PTPRG: variants seen among roughly 807,000 people sequenced by gnomAD.
PTPRG encodes receptor-type tyrosine-protein phosphatase gamma.
Under a neutral mutation model 165.3 loss-of-function variants are expected in PTPRG, and 102 were observed. The ratio of observed to expected loss-of-function variants is 0.62; its 90% confidence interval spans 0.53 to 0.73. The LOEUF (loss-of-function observed/expected upper bound fraction) is 0.73, where lower values mean the gene tolerates loss of function less well. PTPRG is among the 30% of genes least tolerant of loss of function. The probability of loss-of-function intolerance (pLI) is 0.00; values close to 1 mark genes in which losing one functional copy is unlikely to be tolerated. For synonymous variants in PTPRG, 675 were observed against 669.5 expected (o/e 1.01, Z -0.13); for missense variants, 1,866 against 1,861.4 (o/e 1.00, Z -0.05).
At chr3:62,089,595 A>G (rs1480741414) in intron 5 of PTPRG, among the ~76,000 whole-genome samples, 3 of 152,290 alleles carry the variant, frequency 2.0e-5, no homozygotes, top group East Asian at 1.9e-4. Flanking sequence ...TCTCTTTATT[A>G]TGATTGTACA....
intron 4 of PTPRG, among the ~76,000 whole-genome samples, chr3:62,034,273 A>T (rs1481898754): frequency 6.6e-6 from 1 of 152,226 alleles, no homozygotes; most frequent in African/African-American, 2.4e-5. Flanking sequence ...GGAAAAAGCA[A>T]ACCCTAGCAG....
At chr3:61,638,178 T>G (rs892040929) in intron 1 of PTPRG, among the ~76,000 whole-genome samples, 1 of 152,234 alleles carries the variant, frequency 6.6e-6, no homozygotes, top group African/African-American at 2.4e-5. Flanking sequence ...GGCTTCTTGC[T>G]AATTCTCTTC....
At chr3:62,263,066 C>T (rs1295718294) in intron 17 of PTPRG, 172 bp downstream of exon 17, 2 of 549,316 alleles carry the variant, frequency 3.6e-6, no homozygotes, top group Non-Finnish European at 6.4e-6. Flanking sequence ...ATTTTCTTCC[C>T]CCTTAGCCTT....
intron 6 of PTPRG, among the ~76,000 whole-genome samples, chr3:62,156,509 C>A (rs1704542540): frequency 6.6e-6 from 1 of 152,204 alleles, no homozygotes; most frequent in Non-Finnish European, 1.5e-5. Flanking sequence ...GGTTGGGCTT[C>A]ACTTCGATTT....
intron 1 of PTPRG, among the ~76,000 whole-genome samples, chr3:61,635,691 C>T (rs906669325): frequency 1.3e-5 from 2 of 152,050 alleles, no homozygotes; most frequent in African/African-American, 4.8e-5. Flanking sequence ...TTTTACAAAA[C>T]AGAAAGCTTG....
intron 8 of PTPRG, among the ~76,000 whole-genome samples, chr3:62,176,100 A>G (rs1705413016): frequency 6.6e-6 from 1 of 152,200 alleles, no homozygotes; most frequent in Non-Finnish European, 1.5e-5. Context: ...TATGTGGCGA[A>G]TGCTTGCAGA....
chr3:61,932,554 A>G lies in PTPRG; in HGVS notation c.191-57071A>G, dbSNP rs995364963. On this transcript the variant is annotated intron_variant, in intron 2 of 29. Coordinates refer to ENST00000474889, the MANE Select transcript of PTPRG (RefSeq NM_002841.4). ...CACTTGCTGAGTTCTTACTGTGTGC[A>G]AGGCGCTGTTTTCATGCTTTCATTT... Among the ~76,000 whole-genome samples the G allele has an allele frequency of 3.9e-5, 6 of 152,320 alleles. No homozygotes were observed. In the South Asian group the frequency reaches 1.2e-3, roughly 32 times the overall value.
At chr3:62,134,549 A>G (rs1703635697) in intron 6 of PTPRG, among the ~76,000 whole-genome samples, 1 of 152,118 alleles carries the variant, frequency 6.6e-6, no homozygotes, top group African/African-American at 2.4e-5. Flanking sequence ...CTCAGCTCTT[A>G]TCTTGCCTCC....
chr3:61,829,021 T>C (rs1171382616), intron 2 of PTPRG, among the ~76,000 whole-genome samples: 1 of 152,188 alleles, frequency 6.6e-6, no homozygotes, highest in African/African-American at 2.4e-5. Context: ...TATATAGATA[T>C]ATATCCTTAG....
chr3:62,036,067 C>T (rs1401123284), intron 4 of PTPRG, among the ~76,000 whole-genome samples: 1 of 150,970 alleles, frequency 6.6e-6, no homozygotes, highest in African/African-American at 2.4e-5. Flanking sequence ...AAAAATCCTG[C>T]CACTGTGGAG....
At chr3:61,870,476 C>CTT (rs869118813) in intron 2 of PTPRG, among the ~76,000 whole-genome samples, 220 of 17,960 alleles carry the variant, frequency 0.012, 22 homozygotes, top group Non-Finnish European at 0.014. Context: ...CCACACCTAG[C>CTT]TTTTTTTTTT....
intron 1 of PTPRG, among the ~76,000 whole-genome samples, chr3:61,722,729 T>C (rs1041312571): frequency 8.5e-5 from 13 of 152,236 alleles, no homozygotes; most frequent in African/African-American, 3.1e-4. Flanking sequence ...CGGTGAATTT[T>C]ATGTTATGTC....
intron 2 of PTPRG, among the ~76,000 whole-genome samples, chr3:61,871,766 A>G (rs1233452028): frequency 1.3e-5 from 2 of 152,178 alleles, no homozygotes; most frequent in Non-Finnish European, 2.9e-5. Flanking sequence ...GGACCTGGAA[A>G]TCACAAGGCC....
chr3:62,188,309 A>C (rs190291586), intron 8 of PTPRG, among the ~76,000 whole-genome samples: 1 of 152,286 alleles, frequency 6.6e-6, no homozygotes, highest in Non-Finnish European at 1.5e-5. Context: ...CAGGAGGTTG[A>C]AGCTGCAGTG....
At position 62,144,002 on chromosome 3, in the gene PTPRG, CTA is replaced by C. The variant is rs573611735; in HGVS notation, c.682+11337_682+11338del. 5.8e-3 allele frequency among the ~76,000 whole-genome samples: 888 copies of C among 152,326 alleles called. 7 individuals carry two copies. The highest frequency in any genetic ancestry group is 0.02 in the African/African-American group (845 of 41,572). On this transcript the variant is annotated intron_variant, in intron 6 of 29. Coordinates refer to ENST00000474889, the MANE Select transcript of PTPRG (RefSeq NM_002841.4). ...GCCCTCTAAATCAGTGGTCAGCAAA[CTA>C]TAATCTGCAGACCAAATCCAGCCCA...
At chr3:61,899,617 G>A (rs1266809078) in intron 2 of PTPRG, among the ~76,000 whole-genome samples, 1 of 152,150 alleles carries the variant, frequency 6.6e-6, no homozygotes, top group Non-Finnish European at 1.5e-5. Context: ...AGACTCACCA[G>A]GAATGGGTCC....
At chr3:61,902,119 C>G (rs34165893) in intron 2 of PTPRG, among the ~76,000 whole-genome samples, 4,985 of 152,300 alleles carry the variant, frequency 0.033, 119 homozygotes, top group Non-Finnish European at 0.053. Context: ...AATTGTCCTT[C>G]TCACCATGGG....
At chr3:62,292,042 T>C (rs1390204805) in intron 28 of PTPRG, among the ~76,000 whole-genome samples, 1 of 152,174 alleles carries the variant, frequency 6.6e-6, no homozygotes, top group African/African-American at 2.4e-5. Context: ...TTCAGAGCCC[T>C]TCATCACTGG....
At chr3:61,831,632 AT>A (rs939052406) in intron 2 of PTPRG, among the ~76,000 whole-genome samples, 6 of 151,886 alleles carry the variant, frequency 4.0e-5, no homozygotes, top group African/African-American at 1.5e-4. Flanking sequence ...TCTATCTACA[AT>A]TGTTTCTCAC....
Sources: gnomAD v4.1 joint callset for allele counts (sites outside exome capture counted in the v4.1 genomes callset) on GRCh38, gnomAD v4.1.1 for gene constraint, MANE v1.5 for transcripts, NCBI Gene and HGNC (gene_info 2026-07-23, HGNC 2026-07-21) for gene names.